ZBTB7C: variants seen among roughly 807,000 people sequenced by gnomAD.
ZBTB7C encodes the protein zinc finger and BTB domain containing 7C.
ZBTB7C carries 8 observed loss-of-function variants against 25.7 expected under a neutral mutation model. The ratio of observed to expected loss-of-function variants is 0.31; its 90% CI spans 0.18 to 0.56. The LOEUF is 0.56. Among genes scored for constraint, ZBTB7C ranks in the 20% least tolerant of loss-of-function variants. The pLI, the probability that ZBTB7C is intolerant of heterozygous loss-of-function variation, is 0.91. For synonymous variants in ZBTB7C, 394 were observed against 369.0 expected, an observed-to-expected ratio of 1.07 and a Z score of -0.78; for missense variants, 824 against 855.2, an observed-to-expected ratio of 0.96 and a Z score of 0.46.
intron 2 of ZBTB7C, among the ~76,000 whole-genome samples, chr18:48,253,393 T>C (rs895902243): frequency 2.6e-5 from 4 of 152,084 alleles, no homozygotes; most frequent in South Asian, 4.2e-4. Flanking sequence ...TACTAGACAA[T>C]ATAGGTGAAA....
At chr18:48,268,218 G>A (rs77982695) in intron 2 of ZBTB7C, among the ~76,000 whole-genome samples, 200 of 152,276 alleles carry the variant, frequency 1.3e-3, no homozygotes, top group African/African-American at 4.7e-3. Flanking sequence ...CACTTCTCCA[G>A]CCCCATGTCA....
At chr18:48,199,787 T>C (rs2042394967) in intron 2 of ZBTB7C, among the ~76,000 whole-genome samples, 1 of 152,158 alleles carries the variant, frequency 6.6e-6, no homozygotes, top group Admixed American at 6.5e-5. Flanking sequence ...AAAAAGTCGG[T>C]CATTTCTCTA....
chr18:48,092,419 G>C (rs1188781447), intron 3 of ZBTB7C, among the ~76,000 whole-genome samples: 1 of 152,184 alleles, frequency 6.6e-6, no homozygotes, highest in Non-Finnish European at 1.5e-5. Context: ...CATGTAAACT[G>C]ATGAAATCGA....
At chr18:48,351,451 C>A (rs1431105439) in intron 1 of ZBTB7C, among the ~76,000 whole-genome samples, 1 of 152,160 alleles carries the variant, frequency 6.6e-6, no homozygotes, top group African/African-American at 2.4e-5. Context: ...GGACTTTCTA[C>A]AGGCTTGCAA....
At chr18:48,404,779 C>T (rs1008309013) in intron 1 of ZBTB7C, among the ~76,000 whole-genome samples, 5 of 152,220 alleles carry the variant, frequency 3.3e-5, no homozygotes, top group African/African-American at 1.2e-4. Context: ...CTGCTGTCCT[C>T]CCATCCACCC....
At chr18:48,197,611 C>T (rs2042347153) in intron 2 of ZBTB7C, among the ~76,000 whole-genome samples, 1 of 152,146 alleles carries the variant, frequency 6.6e-6, no homozygotes, top group Non-Finnish European at 1.5e-5. Context: ...TGGGAGAGTT[C>T]AAGGTCAAGG....
intron 1 of ZBTB7C, among the ~76,000 whole-genome samples, chr18:48,400,199 G>A (rs1157809386): frequency 6.6e-6 from 1 of 152,136 alleles, no homozygotes; most frequent in Admixed American, 6.5e-5. Context: ...TGTATAAATG[G>A]TCCAGACAGA....
chr18:48,308,698 A>G (rs1427551471), intron 2 of ZBTB7C, among the ~76,000 whole-genome samples: 1 of 152,246 alleles, frequency 6.6e-6, no homozygotes, highest in East Asian at 1.9e-4. Flanking sequence ...CTGGTAACAA[A>G]CAGTACCAGT....
chr18:48,233,795 T>A (rs1384392732), intron 2 of ZBTB7C, among the ~76,000 whole-genome samples: 2 of 152,178 alleles, frequency 1.3e-5, no homozygotes, highest in East Asian at 3.9e-4. Flanking sequence ...GTAAATTATA[T>A]CAGCTGCTGC....
intron 3 of ZBTB7C, chr18:48,087,678 C>T (rs2038242922): frequency 6.6e-6 from 1 of 152,026 alleles, no homozygotes; most frequent in Non-Finnish European, 1.5e-5. Context: ...ACCTGTAGTC[C>T]CGACTACTTG....
intron 1 of ZBTB7C, among the ~76,000 whole-genome samples, chr18:48,359,227 A>G (rs1208027730): frequency 6.6e-6 from 1 of 152,156 alleles, no homozygotes; most frequent in Non-Finnish European, 1.5e-5. Flanking sequence ...AGCCACCCAG[A>G]ACTGGGGCCT....
chr18:48,234,115 A>G (rs759766048), intron 2 of ZBTB7C, among the ~76,000 whole-genome samples: 7 of 151,604 alleles, frequency 4.6e-5, no homozygotes, highest in Non-Finnish European at 8.8e-5. Flanking sequence ...TTTTATCCCA[A>G]TCTCAATCCT....
At chr18:48,136,937 G>C in intron 3 of ZBTB7C, 4 of 948,872 alleles carry the variant, frequency 4.2e-6, no homozygotes, top group Non-Finnish European at 5.0e-6. Flanking sequence ...CCCTCCCCAC[G>C]GCCCGGCCGC....
At chr18:48,294,660 C>T (rs1188281288) in intron 2 of ZBTB7C, among the ~76,000 whole-genome samples, 3 of 152,004 alleles carry the variant, frequency 2.0e-5, no homozygotes, top group Admixed American at 1.3e-4. Context: ...TGCTGTTGAC[C>T]TGCCCCCCAC....
At chr18:48,130,118 T>A (rs1053364593) in intron 3 of ZBTB7C, among the ~76,000 whole-genome samples, 1 of 152,126 alleles carries the variant, frequency 6.6e-6, no homozygotes, top group African/African-American at 2.4e-5. Flanking sequence ...AATGCAGGCC[T>A]CTCCAAAATC....
intron 3 of ZBTB7C, chr18:48,041,536 TTCTGCTGAGAAGATGC>T: frequency 1.0e-6 from 1 of 985,258 alleles, no homozygotes; most frequent in Non-Finnish European, 1.2e-6. Flanking sequence ...CTCTCAGTGC[TTCTGCTGAGAAGATGC>T]TCTGATTTGT....
chr18:48,192,439 A>C (rs988561187), intron 2 of ZBTB7C, among the ~76,000 whole-genome samples: 1 of 152,126 alleles, frequency 6.6e-6, no homozygotes, highest in Non-Finnish European at 1.5e-5. Flanking sequence ...TGGACCGTGA[A>C]CTCCAGTGTA....
chr18:48,225,784 C>A (rs1599139546), intron 2 of ZBTB7C, among the ~76,000 whole-genome samples: 1 of 152,034 alleles, frequency 6.6e-6, no homozygotes, highest in African/African-American at 2.4e-5. Context: ...CACTCTGTCA[C>A]CAGGCTGGAG....
At chr18:48,356,859 C>T (rs1414248062) in intron 1 of ZBTB7C, among the ~76,000 whole-genome samples, 3 of 152,298 alleles carry the variant, frequency 2.0e-5, no homozygotes, top group East Asian at 1.9e-4. Flanking sequence ...GCATTCTCTC[C>T]ACCCTCTCAG....
Sources: gnomAD v4.1 joint callset for allele counts (sites outside exome capture counted in the v4.1 genomes callset) on GRCh38, gnomAD v4.1.1 for gene constraint, MANE v1.5 for transcripts, NCBI Gene and HGNC (gene_info 2026-07-23, HGNC 2026-07-21) for gene names.